The following IMMP2L variants were observed in gnomAD, a reference collection of about 807,000 sequenced individuals.
IMMP2L encodes mitochondrial inner membrane protease subunit 2.
A neutral mutation model predicts 19.3 loss-of-function variants in IMMP2L; 18 were observed. That is an observed-to-expected ratio of 0.93 (90% CI 0.64 to 1.38). IMMP2L has a LOEUF of 1.38. Among genes scored for constraint, IMMP2L ranks in the 40% most tolerant of loss-of-function variants. IMMP2L has a pLI of 0.00. For synonymous variants in IMMP2L, 76 were observed against 73.0 expected (o/e 1.04, Z -0.21); for missense variants, 233 against 218.2 (o/e 1.07, Z -0.43).
chr7:111,380,160 G>A (rs112519544), intron 3 of IMMP2L, among the ~76,000 whole-genome samples: 12 of 151,716 alleles, frequency 7.9e-5, no homozygotes, highest in African/African-American at 2.4e-4. Flanking sequence ...ACAGTATTAC[G>A]TCTTTTTGTT....
At chr7:110,838,804 C>T (rs989323612) in intron 5 of IMMP2L, among the ~76,000 whole-genome samples, 1 of 151,968 alleles carries the variant, frequency 6.6e-6, no homozygotes, top group Non-Finnish European at 1.5e-5. Flanking sequence ...TTACTGAGTC[C>T]AGTTATATGT....
intron 3 of IMMP2L, among the ~76,000 whole-genome samples, chr7:111,417,273 A>G (rs1835038581): frequency 6.6e-6 from 1 of 151,814 alleles, no homozygotes; most frequent in South Asian, 2.1e-4. Flanking sequence ...CCAATGAAAT[A>G]TCTTTCTCCA....
chr7:111,329,393 C>A (rs933376805), intron 3 of IMMP2L, among the ~76,000 whole-genome samples: 1 of 151,894 alleles, frequency 6.6e-6, no homozygotes, highest in African/African-American at 2.4e-5. Flanking sequence ...GACCTACCTA[C>A]CTCTCTCATG....
In IMMP2L at chr7:110,976,550, T is replaced by A. The variant is rs904090582; in HGVS notation, c.240-12985A>T. On this transcript the variant is annotated intron_variant, in intron 3 of 5. Coordinates refer to ENST00000405709, the MANE Select transcript of IMMP2L (RefSeq NM_032549.4). ...AAATGGCAACTGAGATTTTAAAAAATTTTATAACTCATTTCTTTTCAAGAA... is the reference window on the plus strand; with the variant it reads ...AAATGGCAACTGAGATTTTAAAAAAATTTATAACTCATTTCTTTTCAAGAA... 3.3e-5 allele frequency among the ~76,000 whole-genome samples: 5 copies of A among 152,206 alleles called. No individual in the cohort carries two copies. In the East Asian group the frequency reaches 7.7e-4, roughly 23 times the overall value.
chr7:111,322,019 T>C (rs1584617028), intron 3 of IMMP2L, among the ~76,000 whole-genome samples: 1 of 151,894 alleles, frequency 6.6e-6, no homozygotes, highest in East Asian at 1.9e-4. Context: ...AAACCCTGTG[T>C]ATAATGTGAT....
intron 1 of IMMP2L, among the ~76,000 whole-genome samples, chr7:111,538,664 G>A (rs955704322): frequency 2.7e-5 from 4 of 146,928 alleles, no homozygotes; most frequent in Admixed American, 1.4e-4. Flanking sequence ...AATTAACATA[G>A]CCAGTCATGG....
At chr7:111,432,885 G>A (rs556910956) in intron 3 of IMMP2L, among the ~76,000 whole-genome samples, 1 of 150,480 alleles carries the variant, frequency 6.6e-6, no homozygotes, top group African/African-American at 2.5e-5. Flanking sequence ...GAAATCAGTA[G>A]CATTTCTATA....
intron 4 of IMMP2L, among the ~76,000 whole-genome samples, chr7:110,910,074 C>T (rs1812891271): frequency 6.6e-6 from 1 of 152,002 alleles, no homozygotes; most frequent in Non-Finnish European, 1.5e-5. Context: ...GGGAGGGAGG[C>T]TAGACATGAT....
intron 3 of IMMP2L, among the ~76,000 whole-genome samples, chr7:111,299,245 A>G (rs1821956451): frequency 6.6e-6 from 1 of 152,274 alleles, no homozygotes; most frequent in East Asian, 1.9e-4. Flanking sequence ...AGGATATTAT[A>G]ACAAGTCTTG....
chr7:110,949,846 C>T (rs1470210347), intron 4 of IMMP2L, among the ~76,000 whole-genome samples: 1 of 152,132 alleles, frequency 6.6e-6, no homozygotes, highest in Non-Finnish European at 1.5e-5. Context: ...CATTTGAGTA[C>T]TTCCATGGAA....
intron 3 of IMMP2L, among the ~76,000 whole-genome samples, chr7:111,021,917 G>A (rs1427363592): frequency 2.0e-5 from 3 of 151,766 alleles, no homozygotes; most frequent in East Asian, 1.9e-4. Context: ...CAAAGCATCC[G>A]ATCTCCTGAG....
At chr7:110,686,366 T>TAAACTC (rs752163873) in intron 5 of IMMP2L, among the ~76,000 whole-genome samples, 25 of 152,040 alleles carry the variant, frequency 1.6e-4, no homozygotes, top group Non-Finnish European at 1.2e-4. Flanking sequence ...TTTCTCTTGG[T>TAAACTC]AAACTCATCC....
At position 111,323,845 on chromosome 7, in the gene IMMP2L, C is replaced by G. The variant is rs1390915794; in HGVS notation, c.239+163393G>C. Among the ~76,000 whole-genome samples the G allele has an allele frequency of 2.6e-5, 4 of 152,140 alleles. No individual in the cohort carries two copies. In the East Asian group the frequency reaches 5.8e-4, roughly 22 times the overall value. The stretch of plus-strand genomic sequence containing the variant: ...GATGAGTTCATGTCCTTTGTAGGGA[C>G]ATGGATGAAGCTGGAAACCATCATT... On this transcript the variant is annotated intron_variant, in intron 3 of 5. Coordinates refer to ENST00000405709, the MANE Select transcript of IMMP2L (RefSeq NM_032549.4).
chr7:111,013,913 G>A (rs868491621), intron 3 of IMMP2L, among the ~76,000 whole-genome samples: 1 of 151,818 alleles, frequency 6.6e-6, no homozygotes, highest in South Asian at 2.1e-4. Flanking sequence ...AGACAAACAT[G>A]TAAAAAGTTC....
chr7:110,749,328 A>G (rs990149769), intron 5 of IMMP2L, among the ~76,000 whole-genome samples: 2 of 152,174 alleles, frequency 1.3e-5, no homozygotes, highest in Non-Finnish European at 2.9e-5. Flanking sequence ...ATTGTGGAAG[A>G]CAGTGTGGCG....
intron 5 of IMMP2L, among the ~76,000 whole-genome samples, chr7:110,789,954 C>T (rs1422986452): frequency 6.6e-6 from 1 of 151,654 alleles, no homozygotes; most frequent in African/African-American, 2.4e-5. Context: ...AGTAGCACAT[C>T]TTATGCCCAT....
At chr7:111,511,352 A>C (rs572405032) in intron 2 of IMMP2L, among the ~76,000 whole-genome samples, 17 of 151,864 alleles carry the variant, frequency 1.1e-4, no homozygotes. Context: ...CAGGCCAAGC[A>C]AAAAAAAGGG....
chr7:110,730,671 C>T (rs967906166), intron 5 of IMMP2L, among the ~76,000 whole-genome samples: 1 of 152,070 alleles, frequency 6.6e-6, no homozygotes, highest in Non-Finnish European at 1.5e-5. Flanking sequence ...ATTACAGGCG[C>T]CAGCCACCAC....
At chr7:111,255,009 C>T (rs1280639474) in intron 3 of IMMP2L, among the ~76,000 whole-genome samples, 1 of 151,854 alleles carries the variant, frequency 6.6e-6, no homozygotes, top group Non-Finnish European at 1.5e-5. Context: ...CCAAATATAA[C>T]TACTTTAAAT....
Sources: allele counts gnomAD v4.1 joint callset (sites outside exome capture counted in the v4.1 genomes callset), GRCh38; gene constraint gnomAD v4.1.1; transcripts MANE v1.5; gene names NCBI Gene and HGNC (gene_info 2026-07-23, HGNC 2026-07-21).